Variants in DDX18 observed in about 807,000 individuals in gnomAD.
The protein encoded by DDX18 is ATP-dependent RNA helicase DDX18.
In DDX18, 23 loss-of-function variants were observed where a neutral mutation model predicts 73.5. The observed-to-expected ratio is 0.31, with a 90% CI of 0.23 to 0.44. The LOEUF (loss-of-function observed/expected upper bound fraction) is 0.44, where lower values mean the gene tolerates loss of function less well. DDX18 is among the 20% of genes least tolerant of loss of function. The probability of loss-of-function intolerance (pLI) is 1.00; values close to 1 mark genes in which losing one functional copy is unlikely to be tolerated. For missense variants in DDX18, 753 were observed against 792.9 expected (o/e 0.95, Z 0.60); for synonymous variants, 268 against 282.7 (o/e 0.95, Z 0.52).
In DDX18 at chr2:117,830,977, A is replaced by G. The variant is rs1680014766; in HGVS notation, c.*253A>G. ...ATATCTGGTGTTTCTTGTGATGATA[A>G]TATTTTAATTTTAAATATCCCTCCC... On this transcript the variant is annotated 3_prime_UTR_variant, in exon 14 of 14. Coordinates refer to ENST00000263239, the MANE Select transcript of DDX18 (RefSeq NM_006773.4). 4.8e-6 allele frequency: 2 copies of G among 420,282 alleles called. No homozygotes were observed. Among genetic ancestry groups the G allele is most frequent in the Non-Finnish European group, 8.4e-6 (2 of 238,126 alleles). 26.0% of individuals were successfully genotyped at this position (420,282 alleles called of 1,614,324 possible). A position where few individuals can be genotyped will look rare whatever the true frequency, so the allele number is the denominator to read the frequency against.
chr2:117,820,538 G>T (rs2432721), intron 3 of DDX18, among the ~76,000 whole-genome samples: 85,320 of 152,074 alleles, frequency 0.56, 24,441 homozygotes, highest in Non-Finnish European at 0.6. Flanking sequence ...TATCTTATAA[G>T]GCACAGGATA....
At position 117,830,819 on chromosome 2, in the gene DDX18, A is replaced by G. The variant is rs1405721653; in HGVS notation, c.*95A>G. On this transcript the variant is annotated 3_prime_UTR_variant, in exon 14 of 14. Transcript: ENST00000263239. The stretch of plus-strand genomic sequence containing the variant: ...GATTTTTGTAGACTTTAGAATTTGG[A>G]CTTACCTAACAAGAGTATAAATTGA... The G allele has an allele frequency of 6.8e-6, 10 of 1,468,622 alleles. No individual in the cohort carries two copies. Among genetic ancestry groups the G allele is most frequent in the Non-Finnish European group, 8.4e-6 (9 of 1,067,572 alleles). 91.0% of individuals were successfully genotyped at this position (1,468,622 alleles called of 1,614,324 possible). A position where few individuals can be genotyped will look rare whatever the true frequency, so the allele number is the denominator to read the frequency against.
At chr2:117,815,194 A>C (rs1309897405) in intron 1 of DDX18, 2 of 293,758 alleles carry the variant, frequency 6.8e-6, no homozygotes, top group African/African-American at 4.4e-5. Context: ...TGCAAGTCGC[A>C]CCTCACCTCA....
intron 12 of DDX18, 33 bp from the exon 13 acceptor site, chr2:117,829,252 TTTTG>T (rs1679981565): frequency 1.9e-6 from 3 of 1,552,108 alleles, no homozygotes; most frequent in Non-Finnish European, 1.7e-6. Flanking sequence ...TTTTGTTTGT[TTTTG>T]TTTATTAAAA....
At chr2:117,825,781 C>A in intron 10 of DDX18, 182 bp downstream of exon 10, 1 of 630,320 alleles carries the variant, frequency 1.6e-6, no homozygotes, top group Non-Finnish European at 2.6e-6. Flanking sequence ...ACGGGCTGTG[C>A]CAGAGGATTG....
intron 3 of DDX18, 138 bp downstream of exon 3, chr2:117,819,930 T>C: frequency 1.3e-6 from 1 of 752,970 alleles, no homozygotes; most frequent in Middle Eastern, 3.1e-4. Context: ...TTTTATATCT[T>C]TCTGCTGCTT....
In DDX18 at chr2:117,814,876, A is replaced by T. The variant is rs771091321; in HGVS notation, c.85+14A>T. ...TAAAGTTTCAGGGTGAGATGCGTTGACTCGCGGTGGCTCAGAAGACCCACG... is the reference window on the plus strand; with the variant it reads ...TAAAGTTTCAGGGTGAGATGCGTTGTCTCGCGGTGGCTCAGAAGACCCACG... On this transcript the variant is annotated intron_variant, in intron 1 of 13. Transcript: ENST00000263239. 4.3e-6 allele frequency: 7 copies of T among 1,613,890 alleles called. No individual in the cohort carries two copies. The highest frequency in any genetic ancestry group is 5.9e-6 in the Non-Finnish European group (7 of 1,179,894).
At position 117,831,239 on chromosome 2, in the gene DDX18, A is replaced by G. The variant is rs1181849549; in HGVS notation, c.*515A>G. 1 of 152,480 alleles carries G rather than the reference A, an allele frequency of 6.6e-6. No homozygotes were observed. Among genetic ancestry groups the G allele is most frequent in the Non-Finnish European group, 1.5e-5 (1 of 68,262 alleles). The allele number at this position is 152,480 out of a possible 1,614,324, so 9.4% of individuals were successfully genotyped here. A position where few individuals can be genotyped will look rare whatever the true frequency, so the allele number is the denominator to read the frequency against. On this transcript the variant is annotated 3_prime_UTR_variant, in exon 14 of 14. Coordinates refer to ENST00000263239, the MANE Select transcript of DDX18 (RefSeq NM_006773.4). The stretch of plus-strand genomic sequence containing the variant: ...TGAAAATGCTGCAGTATAAAAGAGC[A>G]AAGAGCTTTGGGAAATACCTAAGAA...
chr2:117,816,812 T>C (rs75796657), intron 1 of DDX18, among the ~76,000 whole-genome samples: 3,279 of 152,328 alleles, frequency 0.022, 120 homozygotes, highest in African/African-American at 0.074. Flanking sequence ...CACTACGACA[T>C]TGCAGTTACT....
intron 1 of DDX18, chr2:117,815,744 G>A (rs1013927984): frequency 6.6e-6 from 1 of 152,228 alleles, no homozygotes; most frequent in Admixed American, 6.5e-5. Flanking sequence ...TTGAACAAAA[G>A]ATGGTGTTTT....
chr2:117,824,588 C>A lies in DDX18; in HGVS notation c.1086C>A (p.Leu362=), dbSNP rs147641419. Residue 362 remains leucine, a synonymous_variant, in exon 8 of 14, where the codon CTC becomes CTA. Coordinates refer to ENST00000263239, the MANE Select transcript of DDX18 (RefSeq NM_006773.4). ...KLLPTRRQTM[L]FSATQTRKVE... is the part of the protein sequence containing the mutation. The stretch of plus-strand genomic sequence containing the variant: ...TTTCAGCACGTAGACAGACTATGCT[C>A]TTTTCTGCCACCCAAACTCGAAAAG... The A allele has an allele frequency of 2.0e-6, 3 of 1,475,020 alleles. No homozygotes were observed. The highest frequency in any genetic ancestry group is 5.0e-5 in the East Asian group (2 of 40,028). The allele number at this position is 1,475,020 out of a possible 1,614,324, so 91.4% of individuals were successfully genotyped here.
At position 117,830,688 on chromosome 2, in the gene DDX18, C is replaced by G; in HGVS notation, c.1977C>G (p.Ser659Arg). 6.2e-7 allele frequency: 1 copy of G among 1,613,632 alleles called. No homozygotes were observed. Among genetic ancestry groups the G allele is most frequent in the Non-Finnish European group, 8.5e-7 (1 of 1,179,744 alleles). The change falls in exon 14 of 14, where the codon AGC (serine) becomes AGG (arginine). Residue 659 changes from serine (S) to arginine (R), a missense_variant. Coordinates refer to ENST00000263239, the MANE Select transcript of DDX18 (RefSeq NM_006773.4). The stretch of plus-strand genomic sequence containing the variant: ...AATCCAAAATCTTTAAACACATTAG[C>G]AAGAAATCATCTGACAGCAGGCAGT... ...VEKSKIFKHI[S>R]KKSSDSRQFS...
rs781555312 is a variant in DDX18 at position 117,822,264 on chromosome 2, A to G, written c.1066+3A>G. On this transcript the variant is annotated splice_donor_region_variant and intron_variant, in intron 7 of 13. Transcript: ENST00000263239. Reference sequence around the variant, plus strand: ...GCAAATTATTAAACTTTTGCCAAGTAAGTAGGTAGCATCTGCATTTGGTTT... The same window carrying G: ...GCAAATTATTAAACTTTTGCCAAGTGAGTAGGTAGCATCTGCATTTGGTTT... 6.2e-7 allele frequency: 1 copy of G among 1,607,092 alleles called. No homozygotes were observed. The highest frequency in any genetic ancestry group is 8.5e-7 in the Non-Finnish European group (1 of 1,175,490).
rs983561101 is a variant in DDX18 at position 117,817,558 on chromosome 2, A to G, written c.200A>G (p.Glu67Gly). ...AAGCCCATGAATGTGGGCTTATCAGAAACTCAAAATGGAGGCATGTCTCAA... is the reference window on the plus strand; with the variant it reads ...AAGCCCATGAATGTGGGCTTATCAGGAACTCAAAATGGAGGCATGTCTCAA... ...KQKPMNVGLSETQNGGMSQEA... is the reference protein window; with the variant it reads ...KQKPMNVGLSGTQNGGMSQEA... The change falls in exon 2 of 14, where the codon GAA (glutamate) becomes GGA (glycine). Residue 67 changes from glutamate to glycine, a missense_variant. Coordinates refer to ENST00000263239, the MANE Select transcript of DDX18 (RefSeq NM_006773.4). 8.1e-6 allele frequency: 13 copies of G among 1,613,932 alleles called. No homozygotes were observed. Among genetic ancestry groups the G allele is most frequent in the Non-Finnish European group, 1.0e-5 (12 of 1,179,970 alleles).
chr2:117,830,099 C>T (rs185343278), intron 13 of DDX18, among the ~76,000 whole-genome samples: 123 of 152,228 alleles, frequency 8.1e-4, no homozygotes, highest in Non-Finnish European at 1.5e-3. Context: ...ACTAGAGGAC[C>T]AAATTTTGGG....
At position 117,824,989 on chromosome 2, in the gene DDX18, T is replaced by G. The variant is rs1361169031; in HGVS notation, c.1256T>G (p.Phe419Cys). 1 of 1,613,850 alleles carries G rather than the reference T, an allele frequency of 6.2e-7. No individual in the cohort carries two copies. Among genetic ancestry groups the G allele is most frequent in the Non-Finnish European group, 8.5e-7 (1 of 1,179,900 alleles). Residue 419 changes from phenylalanine (F) to cysteine (C), a missense_variant, in exon 9 of 14, where the codon TTC (phenylalanine) becomes TGC (cysteine). Physicochemically the swap from Phe to Cys is radical, Grantham distance 205 (BLOSUM62 -2). Around this residue, in one of 3 missense-constraint regions of DDX18, gnomAD observed 402 missense variants for 419.4 expected, o/e 0.96. Transcript: ENST00000263239. The stretch of plus-strand genomic sequence containing the variant: ...AAGAGATTCCTTCTGCTCTTTACAT[T>G]CCTTAAGAAGAACCGAAAGAAGAAG... ...SEKRFLLLFT[F>C]LKKNRKKKLM...
In DDX18 at chr2:117,821,989, T is replaced by C. The variant is rs758841054; in HGVS notation, c.879T>C (p.Ala293=). ...TAATGGGTGGCAGTAACAGATCTGC[T>C]GAAGCACAGAAACTTGGTAATGGGA... ...GLIMGGSNRS[A]EAQKLGNGIN... Residue 293 remains alanine, a synonymous_variant, in exon 6 of 14, where the codon GCT becomes GCC. Coordinates refer to ENST00000263239, the MANE Select transcript of DDX18 (RefSeq NM_006773.4). 6 of 1,614,096 alleles carry C rather than the reference T, an allele frequency of 3.7e-6. No homozygotes were observed. Among genetic ancestry groups the C allele is most frequent in the African/African-American group, 1.3e-5 (1 of 75,022 alleles).
At position 117,829,460 on chromosome 2, in the gene DDX18, G is replaced by C. The variant is rs1326307231; in HGVS notation, c.1864G>C (p.Asp622His). Reference sequence around the variant, plus strand: ...TGGTTTCAAGGTGCCTCCCTTCGTTGATCTGAGTATCCTTTTCTTTAATGA... The same window carrying C: ...TGGTTTCAAGGTGCCTCCCTTCGTTCATCTGAGTATCCTTTTCTTTAATGA... ...SFGFKVPPFV[D>H]LNVNSNEGKQ... Residue 622 changes from aspartate (D) to histidine (H), a missense_variant, in exon 13 of 14, where the codon GAT becomes CAT. Physicochemically the swap from Asp to His is moderately conservative, Grantham distance 81. This residue lies in a region of DDX18 where 402 missense variants were observed against 419.4 expected (regional missense o/e 0.96). Transcript: ENST00000263239. 2 of 1,608,542 alleles carry C rather than the reference G, an allele frequency of 1.2e-6. No homozygotes were observed. The highest frequency in any genetic ancestry group is 1.1e-5 in the South Asian group (1 of 89,550).
intron 11 of DDX18, chr2:117,827,130 G>C (rs929604150): frequency 2.6e-5 from 4 of 152,178 alleles, no homozygotes; most frequent in Non-Finnish European, 5.9e-5. Flanking sequence ...ATCCTCATTG[G>C]CCTTTCTGGC....
Sources: allele counts gnomAD v4.1 joint callset (sites outside exome capture counted in the v4.1 genomes callset), GRCh38; gene constraint gnomAD v4.1.1; regional missense constraint gnomAD v4.1.1; transcripts MANE v1.5; gene names NCBI Gene and HGNC (gene_info 2026-07-23, HGNC 2026-07-21).